The following CACNB2 variants were observed in gnomAD, a reference collection of about 807,000 sequenced individuals.
CACNB2 encodes the protein calcium voltage-gated channel auxiliary subunit beta 2.
In CACNB2, 42 loss-of-function variants were observed where a neutral mutation model predicts 73.3. The observed-to-expected ratio is 0.57, with a 90% CI of 0.45 to 0.74. CACNB2 has a LOEUF of 0.74. Ranked by LOEUF, CACNB2 falls within the 30% of genes least tolerant of loss-of-function variation. The pLI is 0.00. For synonymous variants in CACNB2, 348 were observed against 310.3 expected (o/e 1.12, Z -1.28); for missense variants, 940 against 853.0 (o/e 1.10, Z -1.27).
chr10:18,319,401 A>T (rs2040313362), intron 2 of CACNB2, among the ~76,000 whole-genome samples: 1 of 152,038 alleles, frequency 6.6e-6, no homozygotes, highest in Non-Finnish European at 1.5e-5. Context: ...GAAAAATGAG[A>T]ACACATGGAC....
rs1491050883 is a variant in CACNB2, at chr10:18,289,295, TTG to T, written c.214-112627_214-112626del. 1.1e-3 allele frequency among the ~76,000 whole-genome samples: 61 copies of T among 55,948 alleles called. 5 individuals carry two copies. The highest frequency in any genetic ancestry group is 4.3e-3 in the African/African-American group (40 of 9,368). The allele number at this position is 55,948 out of a possible 152,430, so 36.7% of individuals were successfully genotyped here. The stretch of plus-strand genomic sequence containing the variant: ...CATTTTTTTTTCTTGTTTTTTTGTT[TTG>T]TTTTTTTTTTTTTTTGAGATGGGGT... On this transcript the variant is annotated intron_variant, in intron 2 of 13. Transcript: ENST00000324631.
chr10:18,443,057 A>G (rs889078996), intron 3 of CACNB2, among the ~76,000 whole-genome samples: 1 of 144,736 alleles, frequency 6.9e-6, no homozygotes, highest in Non-Finnish European at 1.5e-5. Flanking sequence ...TTAACTATAC[A>G]TAATTTTCTG....
At chr10:18,236,352 C>T (rs1435237401) in intron 2 of CACNB2, among the ~76,000 whole-genome samples, 1 of 152,226 alleles carries the variant, frequency 6.6e-6, no homozygotes, top group Non-Finnish European at 1.5e-5. Flanking sequence ...GGAAAGGGCG[C>T]AAGCCCACAG....
At chr10:18,458,984 T>C (rs1052282190) in intron 3 of CACNB2, among the ~76,000 whole-genome samples, 115 of 152,152 alleles carry the variant, frequency 7.6e-4, no homozygotes, top group African/African-American at 2.6e-3. Flanking sequence ...AGGCTGGTCT[T>C]GAACTCCTCA....
chr10:18,213,826 A>G (rs1387025761), intron 2 of CACNB2, among the ~76,000 whole-genome samples: 1 of 152,222 alleles, frequency 6.6e-6, no homozygotes, highest in African/African-American at 2.4e-5. Flanking sequence ...AATTAGCAGG[A>G]TGACCCTGTA....
intron 2 of CACNB2, among the ~76,000 whole-genome samples, chr10:18,307,983 C>CTTGTTTTTTTTTTTTTTTTTTTTTT (rs2039803586): frequency 1.4e-5 from 1 of 70,268 alleles, no homozygotes; most frequent in Non-Finnish European, 2.7e-5. Context: ...TATATGCCAA[C>CTTGTTTTTTTTTTTTTTTTTTTTTT]TTTTTTTTTT....
intron 2 of CACNB2, among the ~76,000 whole-genome samples, chr10:18,216,560 G>A (rs1309618724): frequency 1.3e-5 from 2 of 150,998 alleles, no homozygotes; most frequent in African/African-American, 2.4e-5. Flanking sequence ...ACTCTATTTC[G>A]GTGGTTTATA....
intron 3 of CACNB2, among the ~76,000 whole-genome samples, chr10:18,456,634 G>T (rs2047297319): frequency 6.6e-6 from 1 of 152,108 alleles, no homozygotes; most frequent in African/African-American, 2.4e-5. Context: ...TGGGGTCACA[G>T]ATCCAAACTG....
At chr10:18,282,331 G>A (rs1051076939) in intron 2 of CACNB2, among the ~76,000 whole-genome samples, 2 of 152,212 alleles carry the variant, frequency 1.3e-5, no homozygotes, top group African/African-American at 4.8e-5. Flanking sequence ...AGAATGGAAT[G>A]CAGAGCAACA....
At chr10:18,379,168 A>G (rs1036206801) in intron 2 of CACNB2, among the ~76,000 whole-genome samples, 1 of 152,180 alleles carries the variant, frequency 6.6e-6, no homozygotes, top group Non-Finnish European at 1.5e-5. Context: ...AAACATACAT[A>G]ATATAAAATT....
chr10:18,380,457 T>TTC (rs2042969213), intron 2 of CACNB2, among the ~76,000 whole-genome samples: 1 of 144,422 alleles, frequency 6.9e-6, no homozygotes, highest in Non-Finnish European at 1.5e-5. Flanking sequence ...TTTTTCTTTT[T>TTC]TTTTTTTTTT....
intron 2 of CACNB2, among the ~76,000 whole-genome samples, chr10:18,244,878 G>C (rs1415511979): frequency 4.6e-5 from 7 of 152,226 alleles, no homozygotes; most frequent in Admixed American, 3.3e-4. Context: ...AATCACAAGG[G>C]TTCTTTTGAG....
chr10:18,416,002 T>C (rs2044936722), intron 3 of CACNB2, among the ~76,000 whole-genome samples: 1 of 152,092 alleles, frequency 6.6e-6, no homozygotes, highest in Non-Finnish European at 1.5e-5. Flanking sequence ...TGCATAATGA[T>C]CAAGTCAGGG....
Position 18,184,906 on chromosome 10 carries a change from G to T in CACNB2, c.213+33931G>T, listed in dbSNP as rs117197627. On this transcript the variant is annotated intron_variant, in intron 2 of 13. Coordinates refer to ENST00000324631, the MANE Select transcript of CACNB2 (RefSeq NM_201596.3). ...CCAGGCTGGAGTGCAGTGGCCTGAT[G>T]ATGGCTCATTGCAGCTTCAACCTCC... 5.1e-3 allele frequency among the ~76,000 whole-genome samples: 778 copies of T among 152,094 alleles called. 3 individuals are homozygous for T. Among genetic ancestry groups the T allele is most frequent in the Middle Eastern group, 0.01 (3 of 294 alleles).
chr10:18,532,019 CATTTCTTT>C (rs2067969248), intron 10 of CACNB2: 1 of 152,172 alleles, frequency 6.6e-6, no homozygotes, highest in Non-Finnish European at 1.5e-5. Context: ...AAGTTTCTGA[CATTTCTTT>C]ATTAGAGTAA....
At chr10:18,528,659 C>T (rs2052710439) in intron 10 of CACNB2, among the ~76,000 whole-genome samples, 1 of 151,678 alleles carries the variant, frequency 6.6e-6, no homozygotes, top group South Asian at 2.1e-4. Flanking sequence ...CATTATAGAA[C>T]TCAGTTTTGT....
At chr10:18,150,855 C>CTTTTTTTTTGTTTTTTTTT in intron 1 of CACNB2, 28 bp from the exon 2 acceptor site, 2 of 483,392 alleles carry the variant, frequency 4.1e-6, no homozygotes, top group South Asian at 2.7e-5. Flanking sequence ...TCTTATTTGT[C>CTTTTTTTTTGTTTTTTTTT]TTTTTTTTTT....
chr10:18,335,820 C>CACACACACAT (rs2040982992), intron 2 of CACNB2, among the ~76,000 whole-genome samples: 1 of 145,144 alleles, frequency 6.9e-6, no homozygotes, highest in Admixed American at 6.8e-5. Flanking sequence ...CACACACACA[C>CACACACACAT]ACACATACAC....
intron 2 of CACNB2, among the ~76,000 whole-genome samples, chr10:18,167,948 ATTGCAAGCAGTTTG>A (rs1194799475): frequency 1.7e-4 from 26 of 152,064 alleles, no homozygotes; most frequent in Admixed American, 1.7e-3. Flanking sequence ...CCCCAACCCC[ATTGCAAGCAGTTTG>A]TTGCCTTGAA....
Sources: allele counts gnomAD v4.1 joint callset (sites outside exome capture counted in the v4.1 genomes callset), GRCh38; gene constraint gnomAD v4.1.1; transcripts MANE v1.5; gene names NCBI Gene and HGNC (gene_info 2026-07-23, HGNC 2026-07-21).